CATSPERT: variants seen among roughly 807,000 people sequenced by gnomAD.
CATSPERT encodes catsper channel auxiliary subunit tau, also known as cation channel sperm-associated targeting subunit tau.
At chr2:201,603,382 T>C in the CATSPERT span, 1 of 902,254 alleles carries the variant, frequency 1.1e-6, no homozygotes, top group African/African-American at 1.7e-5. Context: ...TCCACGTTGT[T>C]GGTTTTTCTC....
At chr2:201,618,879 G>A in the CATSPERT span, 1 of 1,610,936 alleles carries the variant, frequency 6.2e-7, no homozygotes, top group Middle Eastern at 1.7e-4. Context: ...CCAGGTGCCG[G>A]CCAGGCCCCC....
the CATSPERT span, chr2:201,537,355 T>C: frequency 8.2e-7 from 1 of 1,212,714 alleles, no homozygotes; most frequent in African/African-American, 1.5e-5. Context: ...TTTCTCTATC[T>C]ATAAATATTT....
chr2:201,604,717 A>C, the CATSPERT span: 2 of 1,531,384 alleles, frequency 1.3e-6, no homozygotes, highest in Non-Finnish European at 1.8e-6. Context: ...AAATAAATTA[A>C]GATTTGGGAA....
chr2:201,550,436 T>G, the CATSPERT span: 17 of 152,288 alleles, frequency 1.1e-4, no homozygotes, highest in Admixed American at 1.1e-3. Flanking sequence ...CTATTTCAAT[T>G]AAAAATTTCA....
the CATSPERT span, among the ~76,000 whole-genome samples, chr2:201,591,641 T>C: frequency 6.6e-5 from 10 of 152,192 alleles, no homozygotes; most frequent in Admixed American, 5.9e-4. Flanking sequence ...TCCATTTGTT[T>C]GTATCCTCTT....
At chr2:201,487,737 C>T in the CATSPERT span, 10 of 1,614,122 alleles carry the variant, frequency 6.2e-6, no homozygotes, top group Non-Finnish European at 8.5e-6. Context: ...CTGTAGCTTT[C>T]TCGTTGCTTG....
At chr2:201,543,661 T>C in the CATSPERT span, among the ~76,000 whole-genome samples, 1 of 152,168 alleles carries the variant, frequency 6.6e-6, no homozygotes, top group African/African-American at 2.4e-5. Context: ...AGTTCATTGT[T>C]AGTGTATAGA....
At chr2:201,580,558 G>A in the CATSPERT span, among the ~76,000 whole-genome samples, 1 of 152,010 alleles carries the variant, frequency 6.6e-6, no homozygotes, top group African/African-American at 2.4e-5. Context: ...GATCACCAAG[G>A]AGTCACGAAT....
At chr2:201,610,028 T>C in the CATSPERT span, among the ~76,000 whole-genome samples, 4 of 152,106 alleles carry the variant, frequency 2.6e-5, no homozygotes, top group Non-Finnish European at 5.9e-5. Context: ...TAGAAACAAC[T>C]ATACACTAAC....
chr2:201,550,346 A>T, the CATSPERT span: 1 of 152,214 alleles, frequency 6.6e-6, no homozygotes, highest in African/African-American at 2.4e-5. Flanking sequence ...GAAAGCATTG[A>T]TCTTTCCACA....
chr2:201,493,485 T>C, the CATSPERT span: 2 of 1,537,184 alleles, frequency 1.3e-6, no homozygotes, highest in Non-Finnish European at 1.7e-6. Context: ...TCTTATGGTG[T>C]TCTTTATCTA....
At chr2:201,556,466 G>A in the CATSPERT span, among the ~76,000 whole-genome samples, 2 of 148,088 alleles carry the variant, frequency 1.4e-5, no homozygotes, top group South Asian at 2.1e-4. Flanking sequence ...CCGAGATCAC[G>A]CCATTGACTC....
At chr2:201,531,202 A>C in the CATSPERT span, among the ~76,000 whole-genome samples, 1 of 151,210 alleles carries the variant, frequency 6.6e-6, no homozygotes, top group Non-Finnish European at 1.5e-5. Context: ...CTCGTGATTC[A>C]CCTGCCTCGG....
the CATSPERT span, among the ~76,000 whole-genome samples, chr2:201,508,860 C>T: frequency 6.6e-6 from 1 of 151,792 alleles, no homozygotes; most frequent in Non-Finnish European, 1.5e-5. Flanking sequence ...TATTTATATA[C>T]CACAGTTTCC....
the CATSPERT span, chr2:201,535,918 C>T: frequency 6.4e-7 from 1 of 1,553,146 alleles, no homozygotes; most frequent in Non-Finnish European, 8.7e-7. Flanking sequence ...CCTGTGTTCT[C>T]CCTTTCAGCT....
the CATSPERT span, among the ~76,000 whole-genome samples, chr2:201,617,020 C>T: frequency 1.3e-5 from 2 of 152,140 alleles, no homozygotes; most frequent in Non-Finnish European, 2.9e-5. Context: ...AGGTTCTCTT[C>T]AAGGAGAACT....
the CATSPERT span, among the ~76,000 whole-genome samples, chr2:201,567,644 AGATAGG>A: frequency 1.6e-4 from 24 of 152,324 alleles, no homozygotes; most frequent in East Asian, 4.3e-3. Flanking sequence ...CCCAGTTCAA[AGATAGG>A]CGGGAGGAAT....
the CATSPERT span, chr2:201,494,044 A>G: frequency 6.5e-7 from 1 of 1,535,474 alleles, no homozygotes; most frequent in Non-Finnish European, 8.7e-7. Flanking sequence ...ATTTTCAATT[A>G]TTTGACTACC....
the CATSPERT span, among the ~76,000 whole-genome samples, chr2:201,590,347 G>A: frequency 1.3e-5 from 2 of 151,858 alleles, no homozygotes; most frequent in South Asian, 4.2e-4. Context: ...AGTATTCCAT[G>A]GTGTATATGT....
Sources: gnomAD v4.1 joint callset for allele counts (sites outside exome capture counted in the v4.1 genomes callset) on GRCh38, gnomAD v4.1.1 for gene constraint, MANE v1.5 for transcripts, NCBI Gene and HGNC (gene_info 2026-07-23, HGNC 2026-07-21) for gene names.